The following LRP1B variants were observed in gnomAD, a reference collection of about 807,000 sequenced individuals.
LRP1B encodes LDL receptor related protein 1B.
LRP1B carries 217 observed loss-of-function variants against 556.6 expected under a neutral mutation model. The ratio of observed to expected loss-of-function variants is 0.39; its 90% confidence interval spans 0.35 to 0.44. The LOEUF (loss-of-function observed/expected upper bound fraction) is 0.44, where lower values mean the gene tolerates loss of function less well. Among genes scored for constraint, LRP1B ranks in the 20% least tolerant of loss-of-function variants. The pLI, the probability that LRP1B is intolerant of heterozygous loss-of-function variation, is 1.00. For synonymous variants in LRP1B, 2,047 were observed against 1,865.8 expected, an observed-to-expected ratio of 1.10 and a Z score of -2.50; for missense variants, 5,053 against 5,620.8, an observed-to-expected ratio of 0.90 and a Z score of 3.23.
chr2:141,474,332 A>T lies in LRP1B; in HGVS notation c.343+6064T>A, dbSNP rs1223477775. 2.6e-5 allele frequency among the ~76,000 whole-genome samples: 4 copies of T among 152,322 alleles called. No homozygotes were observed. In the East Asian group the frequency reaches 7.7e-4, roughly 29 times the overall value. On this transcript the variant is annotated intron_variant, in intron 3 of 90. Coordinates refer to ENST00000389484, the MANE Select transcript of LRP1B (RefSeq NM_018557.3). ...AAGAATTACTAATTTTCCCATGGTG[A>T]ATCATTACAGAAAATAAAGGCTACC...
intron 20 of LRP1B, 72 bp from the exon 21 acceptor site, chr2:140,923,219 G>A (rs1272597758): frequency 1.2e-5 from 15 of 1,224,782 alleles, no homozygotes; most frequent in Non-Finnish European, 1.6e-5. Flanking sequence ...TTACTTGTTG[G>A]TAGTTTTTAT....
intron 73 of LRP1B, 90 bp downstream of exon 73, chr2:140,358,731 T>A (rs539685269): frequency 7.2e-7 from 1 of 1,383,368 alleles, no homozygotes; most frequent in East Asian, 2.5e-5. Flanking sequence ...GATGTCCACA[T>A]AAGAAATGTA....
intron 41 of LRP1B, among the ~76,000 whole-genome samples, chr2:140,640,993 A>G (rs1160840549): frequency 6.6e-6 from 1 of 152,238 alleles, no homozygotes; most frequent in Non-Finnish European, 1.5e-5. Context: ...TTTTGTTAAT[A>G]CAATATACAG....
chr2:140,950,954 A>G (rs1340285183), intron 19 of LRP1B, among the ~76,000 whole-genome samples: 1 of 152,054 alleles, frequency 6.6e-6, no homozygotes, highest in African/African-American at 2.4e-5. Flanking sequence ...AAACTGAGAG[A>G]AAAAAATCCT....
chr2:140,824,250 C>G, intron 31 of LRP1B, among the ~76,000 whole-genome samples: 1 of 151,768 alleles, frequency 6.6e-6, no homozygotes, highest in African/African-American at 2.4e-5. Flanking sequence ...TGAAAATACT[C>G]TTTTTTTTAA....
intron 7 of LRP1B, among the ~76,000 whole-genome samples, chr2:141,174,353 G>A (rs571734834): frequency 3.4e-4 from 51 of 152,148 alleles, no homozygotes; most frequent in African/African-American, 1.2e-3. Context: ...TTGTGATATG[G>A]TTTGGCTCTG....
intron 63 of LRP1B, among the ~76,000 whole-genome samples, chr2:140,446,066 A>C (rs1265741559): frequency 6.6e-6 from 1 of 152,154 alleles, no homozygotes; most frequent in Non-Finnish European, 1.5e-5. Flanking sequence ...AGAGTTCTAA[A>C]ATGTTGAAAG....
intron 1 of LRP1B, among the ~76,000 whole-genome samples, chr2:142,099,074 A>G (rs752801332): frequency 6.6e-6 from 1 of 151,844 alleles, no homozygotes; most frequent in Non-Finnish European, 1.5e-5. Context: ...AACATTATTC[A>G]TATAGAATAA....
chr2:141,020,091 C>A lies in LRP1B; in HGVS notation c.1801G>T (p.Val601Leu). 6.3e-7 allele frequency: 1 copy of A among 1,577,466 alleles called. No individual in the cohort carries two copies. The highest frequency in any genetic ancestry group is 8.6e-7 in the Non-Finnish European group (1 of 1,161,920). Reference protein sequence around the residue: ...ETILKDDLDNVEGIAVDWIGN... With the variant: ...ETILKDDLDNLEGIAVDWIGN... ...ATCCAGTCCACAGCAATGCCCTCTA[C>A]ATTATCCAGATCTATAAAAAAAGCA... The change falls in exon 12 of 91, where the codon GTA (valine) becomes TTA (leucine). Residue 601 changes from valine (V) to leucine (L), a missense_variant. Physicochemically the swap from Val to Leu is conservative, Grantham distance 32. Coordinates refer to ENST00000389484, the MANE Select transcript of LRP1B (RefSeq NM_018557.3).
intron 3 of LRP1B, among the ~76,000 whole-genome samples, chr2:141,316,778 T>TG (rs1311251344): frequency 1.3e-5 from 2 of 152,204 alleles, no homozygotes; most frequent in Non-Finnish European, 2.9e-5. Flanking sequence ...TTTCCCGCCA[T>TG]GGGGGGTGAG....
At chr2:140,805,061 G>A (rs531316532) in intron 32 of LRP1B, among the ~76,000 whole-genome samples, 7 of 152,162 alleles carry the variant, frequency 4.6e-5, no homozygotes, top group African/African-American at 1.7e-4. Context: ...CACATTGATT[G>A]AAAACAAATG....
chr2:141,575,482 C>A (rs1488273286), intron 2 of LRP1B, among the ~76,000 whole-genome samples: 1 of 152,032 alleles, frequency 6.6e-6, no homozygotes, highest in Non-Finnish European at 1.5e-5. Context: ...ATGTAAAACC[C>A]CAAACCATAA....
chr2:141,162,824 A>C (rs1680094539), intron 7 of LRP1B, among the ~76,000 whole-genome samples: 1 of 152,154 alleles, frequency 6.6e-6, no homozygotes, highest in Non-Finnish European at 1.5e-5. Context: ...ATATCCCTCC[A>C]TGCATCCTCT....
chr2:141,023,128 C>T (rs1313942900), intron 11 of LRP1B, among the ~76,000 whole-genome samples: 2 of 151,808 alleles, frequency 1.3e-5, no homozygotes, highest in African/African-American at 4.8e-5. Flanking sequence ...AAATAAACAG[C>T]CTTTTCTTGC....
chr2:140,912,800 T>G (rs959158383), intron 21 of LRP1B, among the ~76,000 whole-genome samples: 2 of 151,844 alleles, frequency 1.3e-5, no homozygotes, highest in Admixed American at 1.3e-4. Flanking sequence ...TCAACAGGTA[T>G]AGAAAAACTT....
chr2:141,240,260 G>A (rs1338344026), intron 5 of LRP1B, among the ~76,000 whole-genome samples: 1 of 152,010 alleles, frequency 6.6e-6, no homozygotes, highest in Non-Finnish European at 1.5e-5. Flanking sequence ...TGCCCAAAGG[G>A]CATTCTCTAA....
chr2:141,443,800 GTAC>G (rs1681077238), intron 3 of LRP1B, among the ~76,000 whole-genome samples: 1 of 152,108 alleles, frequency 6.6e-6, no homozygotes, highest in Non-Finnish European at 1.5e-5. Flanking sequence ...ATATGTTTTG[GTAC>G]TACTACCATG....
rs116371602 is a variant in LRP1B at position 140,566,924 on chromosome 2, A to C, written c.7195-24953T>G. Among the ~76,000 whole-genome samples the C allele has an allele frequency of 5.5e-3, 844 of 152,228 alleles. 9 individuals carry two copies. Among genetic ancestry groups the C allele is most frequent in the African/African-American group, 0.019 (784 of 41,536 alleles). On this transcript the variant is annotated intron_variant, in intron 43 of 90. Transcript: ENST00000389484. Reference sequence around the variant, plus strand: ...AAGGGATGCACTACATCCCAGGGAAACAGTTCCTGGGCTACCTAGAACAAT... The same window carrying C: ...AAGGGATGCACTACATCCCAGGGAACCAGTTCCTGGGCTACCTAGAACAAT...
At position 141,600,567 on chromosome 2, in the gene LRP1B, G is replaced by T. The variant is rs917329941; in HGVS notation, c.206-120034C>A. Reference sequence around the variant, plus strand: ...CTAGAAGCTGTAGTCTGAATGAACTGCAAACGTAACCACCATTAGATCCAG... The same window carrying T: ...CTAGAAGCTGTAGTCTGAATGAACTTCAAACGTAACCACCATTAGATCCAG... On this transcript the variant is annotated intron_variant, in intron 2 of 90. Transcript: ENST00000389484. Among the ~76,000 whole-genome samples the T allele has an allele frequency of 2.0e-5, 3 of 151,622 alleles. No individual in the cohort carries two copies. The East Asian group carries it at 5.8e-4, about 29-fold the overall frequency.
Sources: allele counts gnomAD v4.1 joint callset (sites outside exome capture counted in the v4.1 genomes callset), GRCh38; gene constraint gnomAD v4.1.1; transcripts MANE v1.5; gene names NCBI Gene and HGNC (gene_info 2026-07-23, HGNC 2026-07-21).